The following SVOPL variants were observed in gnomAD, a reference collection of about 807,000 sequenced individuals.
SVOPL encodes the protein putative transporter SVOPL.
In SVOPL, 60 loss-of-function variants were observed where a neutral mutation model predicts 61.0. The observed-to-expected ratio is 0.98, with a 90% CI of 0.80 to 1.22. SVOPL has a LOEUF of 1.22. Ranked by LOEUF, SVOPL falls within the 50% of genes most tolerant of loss-of-function variation. The pLI is 0.00. For synonymous variants in SVOPL, 279 were observed against 250.0 expected (o/e 1.12, Z -1.09); for missense variants, 662 against 643.9 (o/e 1.03, Z -0.30).
intron 8 of SVOPL, among the ~76,000 whole-genome samples, chr7:138,647,321 C>G (rs991101810): frequency 1.3e-5 from 2 of 151,864 alleles, no homozygotes; most frequent in Non-Finnish European, 2.9e-5. Context: ...GCAGAGGTTG[C>G]GAAGAGCTGA....
At chr7:138,621,169 T>C (rs754876143) in intron 13 of SVOPL, 34 bp from the exon 14 acceptor site, 2 of 1,594,224 alleles carry the variant, frequency 1.3e-6, no homozygotes, top group Admixed American at 1.7e-5. Flanking sequence ...ACCAGTCAGA[T>C]AATGTCCGTC....
intron 14 of SVOPL, among the ~76,000 whole-genome samples, chr7:138,606,496 A>G (rs1008266985): frequency 6.6e-6 from 1 of 152,102 alleles, no homozygotes; most frequent in Non-Finnish European, 1.5e-5. Context: ...CCTCCCTTCT[A>G]TGCAAGTTCC....
At chr7:138,622,198 CTATGTATCTATCTATCTATCTATG>C (rs1799673899) in intron 13 of SVOPL, among the ~76,000 whole-genome samples, 14 of 64,104 alleles carry the variant, frequency 2.2e-4, no homozygotes, top group African/African-American at 5.2e-4. Context: ...ATCTATCTAT[CTATGTATCTATCTATCTATCTATG>C]TATCTATCTA....
intron 2 of SVOPL, 119 bp from the exon 3 acceptor site, chr7:138,678,644 G>T: frequency 1.0e-6 from 1 of 953,378 alleles, no homozygotes; most frequent in South Asian, 1.6e-5. Flanking sequence ...GGGGGTCAGT[G>T]GTAGGCAACC....
intron 14 of SVOPL, among the ~76,000 whole-genome samples, chr7:138,601,251 C>CAAAA (rs59761826): frequency 7.1e-5 from 7 of 99,084 alleles, no homozygotes; most frequent in African/African-American, 1.4e-4. Flanking sequence ...GATTCCATCT[C>CAAAA]AAAAAAAAAA....
At chr7:138,648,958 G>A (rs376861126) in intron 8 of SVOPL, 54 bp downstream of exon 8, 2 of 1,607,896 alleles carry the variant, frequency 1.2e-6, no homozygotes. Context: ...GGGCATGAAG[G>A]CCACTGGACC....
At chr7:138,646,799 A>T (rs1196492748) in intron 8 of SVOPL, among the ~76,000 whole-genome samples, 1 of 152,176 alleles carries the variant, frequency 6.6e-6, no homozygotes, top group Non-Finnish European at 1.5e-5. Flanking sequence ...GATTACAAAC[A>T]TGAGCCACCA....
chr7:138,676,297 C>T (rs1266618656), intron 3 of SVOPL, among the ~76,000 whole-genome samples: 1 of 152,214 alleles, frequency 6.6e-6, no homozygotes, highest in Non-Finnish European at 1.5e-5. Context: ...ATTTGTGCTG[C>T]TATCACAAAA....
intron 5 of SVOPL, 111 bp from the exon 6 acceptor site, chr7:138,660,099 G>A (rs1801938687): frequency 2.0e-6 from 3 of 1,486,872 alleles, no homozygotes; most frequent in African/African-American, 2.8e-5. Flanking sequence ...GCTTCTCTGA[G>A]GAGCTAACCT....
intron 3 of SVOPL, 21 bp downstream of exon 3, chr7:138,678,413 A>C: frequency 6.5e-7 from 1 of 1,545,862 alleles, no homozygotes; most frequent in Non-Finnish European, 8.7e-7. Context: ...CTTTTCGTCA[A>C]CATCTCGAAG....
Position 138,630,070 on chromosome 7 carries a change from G to T in SVOPL, c.842C>A (p.Thr281Lys), listed in dbSNP as rs1367842955. Reference sequence around the variant, plus strand: ...TTACCATATGACCCAGATCTGTAATGTGGTCCGTAAATATTTAGCATCCAA... The same window carrying T: ...TTACCATATGACCCAGATCTGTAATTTGGTCCGTAAATATTTAGCATCCAA... ...DLLDAKYLRT[T>K]LQIWVIWLGI... Residue 281 changes from threonine (T) to lysine (K), a missense_variant, in exon 10 of 16, where the codon ACA becomes AAA. Transcript: ENST00000674285. The T allele has an allele frequency of 6.2e-7, 1 of 1,613,888 alleles. No homozygotes were observed. Among genetic ancestry groups the T allele is most frequent in the Admixed American group, 1.7e-5 (1 of 60,018 alleles).
At chr7:138,691,783 C>A (rs1008935751) in intron 1 of SVOPL, among the ~76,000 whole-genome samples, 9 of 151,946 alleles carry the variant, frequency 5.9e-5, no homozygotes, top group African/African-American at 2.2e-4. Context: ...TCAGGTGATC[C>A]ACCCACCTCG....
At chr7:138,601,082 T>G (rs777178966) in intron 14 of SVOPL, among the ~76,000 whole-genome samples, 1 of 151,574 alleles carries the variant, frequency 6.6e-6, no homozygotes, top group African/African-American at 2.4e-5. Context: ...AAACCCTGTC[T>G]CTACTAAAAA....
Position 138,628,191 on chromosome 7 carries a change from T to C in SVOPL, c.1036A>G (p.Thr346Ala). ...CHMFAPSDYRTMIISTIGEIA... is the reference protein window; with the variant it reads ...CHMFAPSDYRAMIISTIGEIA... The stretch of plus-strand genomic sequence containing the variant: ...TCACCGATGGTGCTGATGATCATGG[T>C]CCGATAGTCAGAGGGTGCAAACATG... Residue 346 changes from threonine to alanine, a missense_variant, in exon 11 of 16, where the codon ACC (threonine) becomes GCC (alanine). Physicochemically the swap from Thr to Ala is moderately conservative, Grantham distance 58. Transcript: ENST00000674285. 1.9e-6 allele frequency: 3 copies of C among 1,614,096 alleles called. No homozygotes were observed. Among genetic ancestry groups the C allele is most frequent in the Non-Finnish European group, 2.5e-6 (3 of 1,180,028 alleles).
chr7:138,662,674 A>G, intron 5 of SVOPL: 2 of 1,016,468 alleles, frequency 2.0e-6, no homozygotes, highest in Non-Finnish European at 2.4e-6. Flanking sequence ...CACTGATATC[A>G]GACCTCTGTT....
At chr7:138,634,192 G>C (rs887214852) in intron 9 of SVOPL, among the ~76,000 whole-genome samples, 1 of 152,138 alleles carries the variant, frequency 6.6e-6, no homozygotes, top group Non-Finnish European at 1.5e-5. Context: ...CTTGGATCCT[G>C]TTCTTCCTCA....
At chr7:138,625,781 T>G (rs954996421) in intron 13 of SVOPL, among the ~76,000 whole-genome samples, 188 bp downstream of exon 13, 5 of 152,228 alleles carry the variant, frequency 3.3e-5, no homozygotes, top group Non-Finnish European at 7.3e-5. Flanking sequence ...TTCCAGAGAT[T>G]GGCTTTCAAT....
intron 3 of SVOPL, among the ~76,000 whole-genome samples, chr7:138,674,628 G>A (rs1287475334): frequency 2.6e-5 from 4 of 151,884 alleles, no homozygotes; most frequent in Admixed American, 1.3e-4. Context: ...AGGCCGAGGC[G>A]GGCAGATCAT....
intron 9 of SVOPL, among the ~76,000 whole-genome samples, chr7:138,635,942 T>C (rs1584811539): frequency 1.3e-5 from 2 of 152,108 alleles, no homozygotes; most frequent in Admixed American, 6.6e-5. Context: ...AAAATATATA[T>C]ACATTTTTTT....
Sources: gnomAD v4.1 joint callset for allele counts (sites outside exome capture counted in the v4.1 genomes callset) on GRCh38, gnomAD v4.1.1 for gene constraint, MANE v1.5 for transcripts, NCBI Gene and HGNC (gene_info 2026-07-23, HGNC 2026-07-21) for gene names.